Variants in MAN1C1 observed in about 807,000 individuals in gnomAD.
MAN1C1 encodes the protein mannosidase alpha class 1C member 1.
Under a neutral mutation model 71.5 loss-of-function variants are expected in MAN1C1, and 49 were observed. That is an observed-to-expected ratio of 0.69 (90% CI 0.54 to 0.87). The LOEUF is 0.87. Among genes scored for constraint, MAN1C1 ranks in the 40% least tolerant of loss-of-function variants. The probability of loss-of-function intolerance (pLI) is 0.00; values close to 1 mark genes in which losing one functional copy is unlikely to be tolerated. For missense variants in MAN1C1, 743 were observed against 835.0 expected, an observed-to-expected ratio of 0.89 and a Z score of 1.36; for synonymous variants, 352 against 343.7, an observed-to-expected ratio of 1.02 and a Z score of -0.27.
chr1:25,706,652 G>T (rs1175495895), intron 2 of MAN1C1, among the ~76,000 whole-genome samples: 1 of 152,236 alleles, frequency 6.6e-6, no homozygotes, highest in African/African-American at 2.4e-5. Flanking sequence ...CTAGACAGGG[G>T]ATGTGGGTGA....
intron 1 of MAN1C1, among the ~76,000 whole-genome samples, chr1:25,669,171 G>A (rs145971407): frequency 1.4e-3 from 211 of 152,280 alleles, no homozygotes; most frequent in African/African-American, 4.9e-3. Flanking sequence ...GGGAGCTGCC[G>A]TTTCCTGTAG....
intron 4 of MAN1C1, among the ~76,000 whole-genome samples, chr1:25,750,205 T>C (rs2124346209): frequency 7.6e-6 from 1 of 131,922 alleles, no homozygotes; most frequent in South Asian, 2.9e-4. Context: ...CCAAGGCTGA[T>C]GGCTCCAAAG....
At position 25,783,998 on chromosome 1, in the gene MAN1C1, A is replaced by T; in HGVS notation, c.*209A>T. ...GCCAGGGCCATGGCCACACTGGCCC[A>T]CACATTCCTTTCTACAGAGAATTTC... On this transcript the variant is annotated 3_prime_UTR_variant, in exon 12 of 12. Coordinates refer to ENST00000374332, the MANE Select transcript of MAN1C1 (RefSeq NM_020379.4). The T allele has an allele frequency of 1.8e-6, 1 of 560,832 alleles. No individual in the cohort carries two copies. The highest frequency in any genetic ancestry group is 2.8e-5 in the South Asian group (1 of 35,886). 34.7% of individuals were successfully genotyped at this position (560,832 alleles called of 1,614,324 possible). A position where few individuals can be genotyped will look rare whatever the true frequency, so the allele number is the denominator to read the frequency against.
At chr1:25,685,406 G>A (rs982232675) in intron 1 of MAN1C1, among the ~76,000 whole-genome samples, 31 of 152,160 alleles carry the variant, frequency 2.0e-4, no homozygotes, top group African/African-American at 6.8e-4. Flanking sequence ...TCTGCTCCAC[G>A]GGTCACCCCA....
chr1:25,734,231 C>A (rs1015781868), intron 2 of MAN1C1, among the ~76,000 whole-genome samples: 2 of 152,144 alleles, frequency 1.3e-5, no homozygotes, highest in East Asian at 1.9e-4. Context: ...TGGGTTCAAG[C>A]GATTCTCATG....
At chr1:25,626,454 G>T (rs887416149) in intron 1 of MAN1C1, among the ~76,000 whole-genome samples, 3 of 151,874 alleles carry the variant, frequency 2.0e-5, no homozygotes, top group Non-Finnish European at 4.4e-5. Context: ...TGCCTCCTGG[G>T]TTCACGCCAT....
At chr1:25,680,486 T>A (rs1297455263) in intron 1 of MAN1C1, among the ~76,000 whole-genome samples, 1 of 152,206 alleles carries the variant, frequency 6.6e-6, no homozygotes, top group Non-Finnish European at 1.5e-5. Context: ...CTTCCCCTAG[T>A]CCCTGGCGAC....
intron 2 of MAN1C1, among the ~76,000 whole-genome samples, chr1:25,701,638 G>A (rs1229696895): frequency 6.6e-6 from 1 of 152,206 alleles, no homozygotes; most frequent in African/African-American, 2.4e-5. Flanking sequence ...ACTTTTTGGG[G>A]TATTTGGAGA....
At chr1:25,653,673 G>T (rs2124076538) in intron 1 of MAN1C1, among the ~76,000 whole-genome samples, 1 of 152,214 alleles carries the variant, frequency 6.6e-6, no homozygotes, top group East Asian at 1.9e-4. Flanking sequence ...CCAGAACGAG[G>T]CTGCTGTGGT....
chr1:25,617,675 G>A lies in MAN1C1; in HGVS notation c.-123G>A. On this transcript the variant is annotated 5_prime_UTR_variant, in exon 1 of 12. Coordinates refer to ENST00000374332, the MANE Select transcript of MAN1C1 (RefSeq NM_020379.4). This position sits in a 1 kb window ranked among gnomAD's most constrained non-coding sequence, Gnocchi z 5.1. ...GTCCCCCGAAGCGGCGAAACTCTCA[G>A]GGTTGGCAACCCTGCCCAGGGACCC... is the stretch of plus-strand genomic sequence containing the variant. 1.2e-6 allele frequency: 1 copy of A among 825,710 alleles called. No homozygotes were observed. Among genetic ancestry groups the A allele is most frequent in the Middle Eastern group, 3.6e-4 (1 of 2,784 alleles). The allele number at this position is 825,710 out of a possible 1,614,324, so 51.1% of individuals were successfully genotyped here. A position where few individuals can be genotyped will look rare whatever the true frequency, so the allele number is the denominator to read the frequency against.
rs1350626390 is a variant in MAN1C1, at chr1:25,784,424, G to A, written c.*635G>A. ...TTGTAATGGAAAAATCTGTGGACTA[G>A]AATAAAAGAGTTTATTGAATAAGAA... On this transcript the variant is annotated 3_prime_UTR_variant, in exon 12 of 12. Transcript: ENST00000374332. 6.6e-6 allele frequency: 1 copy of A among 152,196 alleles called. No individual in the cohort carries two copies. The highest frequency in any genetic ancestry group is 2.4e-5 in the African/African-American group (1 of 41,460). 9.4% of individuals were successfully genotyped at this position (152,196 alleles called of 1,614,324 possible).
rs549409864 is a variant in MAN1C1 at position 25,735,406 on chromosome 1, G to A, written c.638-11262G>A. On this transcript the variant is annotated intron_variant, in intron 2 of 11. Transcript: ENST00000374332. This position sits in a 1 kb window ranked among gnomAD's most constrained non-coding sequence, Gnocchi z 4.6. ...TGCACTCCATCCTGTGTGACAGAGCGAGACTGTGTCTCAAAATGTGTATGT... is the reference window on the plus strand; with the variant it reads ...TGCACTCCATCCTGTGTGACAGAGCAAGACTGTGTCTCAAAATGTGTATGT... Among the ~76,000 whole-genome samples the A allele has an allele frequency of 7.6e-4, 116 of 152,280 alleles. 1 individual carries two copies. The highest frequency in any genetic ancestry group is 2.8e-3 in the African/African-American group (115 of 41,552).
chr1:25,767,397 A>ACC (rs1557799688), intron 7 of MAN1C1, among the ~76,000 whole-genome samples: 1 of 26,078 alleles, frequency 3.8e-5, no homozygotes, highest in Non-Finnish European at 9.5e-5. Context: ...ACACACACAC[A>ACC]CCCCTACCAC....
chr1:25,696,240 T>C (rs1164230675), intron 2 of MAN1C1, among the ~76,000 whole-genome samples: 2 of 152,184 alleles, frequency 1.3e-5, no homozygotes, highest in Non-Finnish European at 2.9e-5. Context: ...CAGCAAACCC[T>C]GTGACAAATA....
At position 25,727,372 on chromosome 1, in the gene MAN1C1, G is replaced by A. The variant is rs74721175; in HGVS notation, c.638-19296G>A. On this transcript the variant is annotated intron_variant, in intron 2 of 11. Coordinates refer to ENST00000374332, the MANE Select transcript of MAN1C1 (RefSeq NM_020379.4). ...GCCAGGTGATTTGAGAACTCCTCAC[G>A]GGTCCCCAGTGAGAGGCGGTGAGCG... Among the ~76,000 whole-genome samples the A allele has an allele frequency of 2.6e-4, 40 of 152,308 alleles. 1 individual carries two copies. The East Asian group carries it at 7.5e-3, about 29-fold the overall frequency.
At chr1:25,668,035 G>A (rs2045946940) in intron 1 of MAN1C1, among the ~76,000 whole-genome samples, 1 of 152,138 alleles carries the variant, frequency 6.6e-6, no homozygotes, top group South Asian at 2.1e-4. Flanking sequence ...CTCTCCTGGG[G>A]TGAACTGGTA....
At chr1:25,777,329 C>T (rs2047631714) in intron 8 of MAN1C1, among the ~76,000 whole-genome samples, 2 of 152,164 alleles carry the variant, frequency 1.3e-5, no homozygotes, top group Admixed American at 1.3e-4. Flanking sequence ...TCCTCCCTCC[C>T]CTTGGTCCCC....
intron 2 of MAN1C1, among the ~76,000 whole-genome samples, chr1:25,695,167 G>A (rs772023194): frequency 1.1e-4 from 16 of 151,952 alleles, no homozygotes; most frequent in Non-Finnish European, 1.9e-4. Flanking sequence ...GGCAGGCCGC[G>A]GTGCACATTC....
chr1:25,740,843 C>T (rs2047053858), intron 2 of MAN1C1, among the ~76,000 whole-genome samples: 2 of 151,970 alleles, frequency 1.3e-5, no homozygotes, highest in African/African-American at 4.8e-5. Context: ...GGGAGGAAGC[C>T]AGTGGAATAA....
Sources: gnomAD v4.1 joint callset for allele counts (sites outside exome capture counted in the v4.1 genomes callset) on GRCh38, gnomAD v4.1.1 for gene constraint, Gnocchi (gnomAD v3.1) non-coding constraint, MANE v1.5 for transcripts, NCBI Gene and HGNC (gene_info 2026-07-23, HGNC 2026-07-21) for gene names.